XKRX: variants seen among roughly 807,000 people sequenced by gnomAD.
XKRX encodes XK-related protein 2.
XKRX carries 11 observed loss-of-function variants against 22.4 expected under a neutral mutation model. That is an observed-to-expected ratio of 0.49 (90% confidence interval 0.31 to 0.81). The LOEUF is 0.81. Among genes scored for constraint, XKRX ranks in the 40% least tolerant of loss-of-function variants. XKRX has a pLI of 0.05. For synonymous variants in XKRX, 114 were observed against 132.2 expected (o/e 0.86, Z 0.94); for missense variants, 320 against 336.5 (o/e 0.95, Z 0.38).
upstream of XKRX, chrX:100,929,154 G>A (rs2085511799): frequency 1.8e-5 from 2 of 112,290 alleles, no homozygotes; most frequent in Admixed American, 1.9e-4. Flanking sequence ...CTGGACGGAG[G>A]TCGCCAAACT....
chrX:100,914,527 G>T lies in XKRX; in HGVS notation c.1161C>A (p.Leu387=), dbSNP rs772103792. ...NYCHSLIALQ[L]IIAYLISIGF... is the part of the protein sequence containing the mutation. ...CAATGGAAATCAGATAAGCAATAAT[G>T]AGCTGCAAGGCAATCAAGGAATGAC... Residue 387 remains leucine (L), a synonymous_variant, in exon 3 of 3, where the codon CTC becomes CTA. Coordinates refer to ENST00000372956, the MANE Select transcript of XKRX (RefSeq NM_212559.3). 1 of 1,211,785 alleles carries T rather than the reference G, an allele frequency of 8.3e-7. No homozygotes were observed. The highest frequency in any genetic ancestry group is 1.1e-6 in the Non-Finnish European group (1 of 895,424).
At chrX:100,915,317 C>T (rs1056667109) in intron 2 of XKRX, among the ~76,000 whole-genome samples, 2 of 110,522 alleles carry the variant, frequency 1.8e-5, no homozygotes, top group Non-Finnish European at 3.8e-5. Context: ...TTCAACATCA[C>T]TAATCATCAC....
chrX:100,942,254 A>T, the XKRX span, among the ~76,000 whole-genome samples: 1 of 112,438 alleles, frequency 8.9e-6, no homozygotes, highest in Non-Finnish European at 1.9e-5. Context: ...TATTAGGACT[A>T]GAACCCAAAC....
At chrX:100,931,159 A>T (rs1271120459), upstream of XKRX, among the ~76,000 whole-genome samples, 79 of 109,704 alleles carry the variant, frequency 7.2e-4, 1 homozygote, top group Non-Finnish European at 1.2e-3. Flanking sequence ...AAAATAAAAA[A>T]AAAAAAAAAC....
chrX:100,952,166 T>C, the XKRX span, among the ~76,000 whole-genome samples: 1 of 111,042 alleles, frequency 9.0e-6, no homozygotes, highest in Non-Finnish European at 1.9e-5. Context: ...TGAAAATCAA[T>C]GTAATCCACA....
At chrX:100,955,270 T>C in the XKRX span, among the ~76,000 whole-genome samples, 2 of 112,391 alleles carry the variant, frequency 1.8e-5, no homozygotes, top group Non-Finnish European at 3.8e-5. Context: ...ATAGTTCTGA[T>C]ATTGTACTAT....
downstream of XKRX, among the ~76,000 whole-genome samples, chrX:100,912,137 G>T (rs148622046): frequency 3.6e-5 from 4 of 111,678 alleles, no homozygotes; most frequent in Non-Finnish European, 7.5e-5. Flanking sequence ...TTTACTTGAG[G>T]GTACAGTGAC....
chrX:100,951,171 T>C, the XKRX span, among the ~76,000 whole-genome samples: 1 of 96,904 alleles, frequency 1.0e-5, no homozygotes, highest in Non-Finnish European at 2.0e-5. Flanking sequence ...GAGGTGGAGG[T>C]TGCAGTGAGC....
the XKRX span, among the ~76,000 whole-genome samples, chrX:100,945,247 T>TAC: frequency 0.09 from 4,980 of 55,284 alleles, 150 homozygotes; most frequent in Middle Eastern, 0.15. Context: ...ACCTGGGTGA[T>TAC]ACACACACAC....
downstream of XKRX, among the ~76,000 whole-genome samples, chrX:100,912,393 C>A (rs2085410170): frequency 9.0e-6 from 1 of 111,105 alleles, no homozygotes; most frequent in Non-Finnish European, 1.9e-5. Context: ...TTATATAATC[C>A]TTTTAGTCCC....
In XKRX at chrX:100,914,262, AAC is replaced by A. The variant is rs199970600; in HGVS notation, c.*74_*75del. On this transcript the variant is annotated 3_prime_UTR_variant, in exon 3 of 3. Coordinates refer to ENST00000372956, the MANE Select transcript of XKRX (RefSeq NM_212559.3). ...TGTACTGATGGGTATCTCACCCATG[AAC>A]CTCATCCTTTCGTTCAATTTCATGG... The A allele has an allele frequency of 2.5e-3, 2,739 of 1,105,303 alleles. 44 individuals carry two copies. In the African/African-American group the frequency reaches 0.045, roughly 18 times the overall value. The allele number at this position is 1,105,303 out of a possible 1,213,427, so 91.1% of individuals were successfully genotyped here.
the XKRX span, among the ~76,000 whole-genome samples, chrX:100,900,341 G>A: frequency 9.0e-6 from 1 of 111,126 alleles, no homozygotes; most frequent in Non-Finnish European, 1.9e-5. Flanking sequence ...GATTACAGGT[G>A]TGAGCCATCA....
chrX:100,910,986 G>C (rs184684596), downstream of XKRX: 13 of 560,327 alleles, frequency 2.3e-5, no homozygotes, highest in East Asian at 3.3e-4. Flanking sequence ...CTGCTGGACA[G>C]AGAGGCACAA....
At chrX:100,957,109 A>G in the XKRX span, 5 of 1,157,735 alleles carry the variant, frequency 4.3e-6, no homozygotes, top group African/African-American at 3.6e-5. Context: ...AGTCTTTACA[A>G]TCCTGCCATT....
the XKRX span, among the ~76,000 whole-genome samples, chrX:100,903,450 T>C: frequency 8.9e-6 from 1 of 112,233 alleles, no homozygotes; most frequent in African/African-American, 3.2e-5. Flanking sequence ...AATGAACAAG[T>C]AGAATTTGAA....
chrX:100,921,824 CTTTTTTTTTTTT>C (rs769704465), intron 2 of XKRX, among the ~76,000 whole-genome samples: 19 of 56,360 alleles, frequency 3.4e-4, no homozygotes, highest in Non-Finnish European at 4.4e-4. Context: ...TAACCCCACG[CTTTTTTTTTTTT>C]TTTTTTTTTT....
intron 2 of XKRX, among the ~76,000 whole-genome samples, chrX:100,917,699 AAAG>A (rs2085450459): frequency 2.0e-5 from 2 of 102,141 alleles, no homozygotes; most frequent in African/African-American, 7.7e-5. Context: ...AGAAAGAAAG[AAAG>A]AAAGAAAGAA....
chrX:100,902,674 C>T, the XKRX span, among the ~76,000 whole-genome samples: 1 of 111,236 alleles, frequency 9.0e-6, no homozygotes, highest in Admixed American at 9.6e-5. Context: ...AAAAAGCTGA[C>T]AAAATCTAAC....
chrX:100,894,586 G>A, the XKRX span, among the ~76,000 whole-genome samples: 2 of 111,128 alleles, frequency 1.8e-5, no homozygotes, highest in Non-Finnish European at 3.8e-5. Flanking sequence ...TGGGACCACA[G>A]GTGCACAGCA....
Sources: gnomAD v4.1 joint callset for allele counts (sites outside exome capture counted in the v4.1 genomes callset) on GRCh38, gnomAD v4.1.1 for gene constraint, MANE v1.5 for transcripts, NCBI Gene and HGNC (gene_info 2026-07-23, HGNC 2026-07-21) for gene names.